The following PRKACB variants were observed in gnomAD, a reference collection of about 807,000 sequenced individuals.
PRKACB encodes cAMP-dependent protein kinase catalytic subunit beta.
Under a neutral mutation model 51.4 loss-of-function variants are expected in PRKACB, and 16 were observed. The observed-to-expected ratio is 0.31, with a 90% CI of 0.21 to 0.47. The LOEUF is 0.47. PRKACB is among the 20% of genes least tolerant of loss of function. The pLI, the probability that PRKACB is intolerant of heterozygous loss-of-function variation, is 1.00. For missense variants in PRKACB, 309 were observed against 464.5 expected (o/e 0.67, Z 3.08); for synonymous variants, 147 against 154.4 (o/e 0.95, Z 0.35).
At chr1:84,090,724 T>A (rs1337940416) in intron 1 of PRKACB, among the ~76,000 whole-genome samples, 1 of 152,178 alleles carries the variant, frequency 6.6e-6, no homozygotes, top group African/African-American at 2.4e-5. Context: ...CTGTATCACC[T>A]TTTATGACCT....
intron 7 of PRKACB, among the ~76,000 whole-genome samples, chr1:84,199,132 T>TAC (rs1413298401): frequency 0.018 from 2,646 of 147,194 alleles, 68 homozygotes; most frequent in African/African-American, 0.048. Context: ...TATATATATA[T>TAC]ACACACACAT....
chr1:84,122,020 C>T (rs145488653), intron 1 of PRKACB, among the ~76,000 whole-genome samples: 347 of 152,206 alleles, frequency 2.3e-3, no homozygotes, highest in African/African-American at 7.8e-3. Flanking sequence ...CAGTCCCTAA[C>T]TCTTATAAAT....
intron 1 of PRKACB, among the ~76,000 whole-genome samples, chr1:84,116,499 C>A (rs1292760420): frequency 1.3e-5 from 2 of 151,886 alleles, no homozygotes; most frequent in African/African-American, 4.8e-5. Flanking sequence ...TCTTCAATTT[C>A]TTTTATTTGT....
intron 5 of PRKACB, among the ~76,000 whole-genome samples, chr1:84,195,096 G>A (rs942919313): frequency 1.3e-5 from 2 of 152,042 alleles, no homozygotes; most frequent in African/African-American, 4.8e-5. Flanking sequence ...AAGTAAGAGG[G>A]GACCTCCCAG....
chr1:84,094,910 A>AT (rs2100785902), intron 1 of PRKACB, among the ~76,000 whole-genome samples: 1 of 152,164 alleles, frequency 6.6e-6, no homozygotes, highest in South Asian at 2.1e-4. Context: ...GGTTCCAAAA[A>AT]TTATACTACT....
chr1:84,190,703 A>G (rs887556692), intron 5 of PRKACB, among the ~76,000 whole-genome samples: 1 of 152,120 alleles, frequency 6.6e-6, no homozygotes, highest in Admixed American at 6.6e-5. Flanking sequence ...ATCTGTGTTG[A>G]CAATTTTGAA....
At chr1:84,214,657 T>C (rs1239347116) in intron 9 of PRKACB, among the ~76,000 whole-genome samples, 1 of 151,944 alleles carries the variant, frequency 6.6e-6, no homozygotes, top group Non-Finnish European at 1.5e-5. Flanking sequence ...CACATCTGGA[T>C]GATTTTTTTG....
At chr1:84,153,872 T>G (rs1223187998) in intron 1 of PRKACB, among the ~76,000 whole-genome samples, 1 of 152,154 alleles carries the variant, frequency 6.6e-6, no homozygotes, top group African/African-American at 2.4e-5. Flanking sequence ...GACATACTGA[T>G]TTCTTTCTTT....
At chr1:84,165,133 G>T in intron 1 of PRKACB, 2 of 835,610 alleles carry the variant, frequency 2.4e-6, no homozygotes, top group South Asian at 2.3e-5. Flanking sequence ...ATTTTGTGGT[G>T]ACGCTTTTGT....
intron 9 of PRKACB, among the ~76,000 whole-genome samples, chr1:84,232,511 G>A (rs1675880485): frequency 6.6e-6 from 1 of 152,116 alleles, no homozygotes; most frequent in South Asian, 2.1e-4. Flanking sequence ...TGACAGTGGG[G>A]TGTTAAAGTC....
intron 6 of PRKACB, 125 bp from the exon 7 acceptor site, chr1:84,197,604 G>T: frequency 1.7e-6 from 1 of 595,204 alleles, no homozygotes; most frequent in South Asian, 2.7e-5. Context: ...CAATTACGTG[G>T]ACTTAATTTT....
At chr1:84,110,731 A>G (rs557106626) in intron 1 of PRKACB, among the ~76,000 whole-genome samples, 8 of 152,010 alleles carry the variant, frequency 5.3e-5, no homozygotes, top group South Asian at 2.1e-4. Context: ...ATTACTTTCT[A>G]TCTTTGTGAC....
chr1:84,141,989 ACT>A (rs1042716151), upstream of PRKACB, among the ~76,000 whole-genome samples: 7 of 113,570 alleles, frequency 6.2e-5, no homozygotes, highest in South Asian at 2.5e-4. Flanking sequence ...CAGTTCTATT[ACT>A]CTTGTCTCTA....
chr1:84,172,080 T>C (rs1659695839), intron 1 of PRKACB, among the ~76,000 whole-genome samples: 2 of 151,494 alleles, frequency 1.3e-5, no homozygotes, highest in Admixed American at 1.3e-4. Context: ...AAATGGAAAG[T>C]CCAACATTAA....
intron 8 of PRKACB, chr1:84,204,412 G>C: frequency 1.7e-6 from 2 of 1,207,456 alleles, no homozygotes; most frequent in Non-Finnish European, 2.4e-6. Context: ...CAGTATCACT[G>C]CTGTTCTTCT....
chr1:84,084,172 G>T (rs1162727961), intron 1 of PRKACB, among the ~76,000 whole-genome samples: 4 of 152,192 alleles, frequency 2.6e-5, no homozygotes, highest in Non-Finnish European at 4.4e-5. Context: ...AATGATAAAT[G>T]TTCATCAGAT....
At chr1:84,163,199 C>G (rs542999025) in intron 1 of PRKACB, among the ~76,000 whole-genome samples, 9 of 151,998 alleles carry the variant, frequency 5.9e-5, no homozygotes, top group Admixed American at 3.3e-4. Flanking sequence ...TTAGGCAGTT[C>G]GGAAGTCTGT....
chr1:84,190,624 A>G (rs1284532572), intron 5 of PRKACB, among the ~76,000 whole-genome samples: 5 of 152,090 alleles, frequency 3.3e-5, no homozygotes, highest in Non-Finnish European at 5.9e-5. Flanking sequence ...CTGGGTTTAT[A>G]GCTTCATGAC....
chr1:84,095,070 G>A (rs750199809), intron 1 of PRKACB, among the ~76,000 whole-genome samples: 4 of 151,862 alleles, frequency 2.6e-5, no homozygotes, highest in Non-Finnish European at 5.9e-5. Context: ...TAAGCTATAC[G>A]ATCTAGGTTT....
Sources: allele counts gnomAD v4.1 joint callset (sites outside exome capture counted in the v4.1 genomes callset), GRCh38; gene constraint gnomAD v4.1.1; transcripts MANE v1.5; gene names NCBI Gene and HGNC (gene_info 2026-07-23, HGNC 2026-07-21).